The following FMN1 variants were observed in gnomAD, a reference collection of about 807,000 sequenced individuals.
The protein encoded by FMN1 is formin-1.
In FMN1, 110 loss-of-function variants were observed where a neutral mutation model predicts 132.4. The ratio of observed to expected loss-of-function variants is 0.83; its 90% confidence interval spans 0.71 to 0.97. The LOEUF (loss-of-function observed/expected upper bound fraction) is 0.97, where lower values mean the gene tolerates loss of function less well. Among genes scored for constraint, FMN1 ranks in the 50% least tolerant of loss-of-function variants. The pLI, the probability that FMN1 is intolerant of heterozygous loss-of-function variation, is 0.00. For missense variants in FMN1, 1,792 were observed against 1,705.3 expected (o/e 1.05, Z -0.90); for synonymous variants, 722 against 651.7 (o/e 1.11, Z -1.64).
At chr15:32,824,959 C>T (rs145427593) in intron 17 of FMN1, among the ~76,000 whole-genome samples, 107 of 152,298 alleles carry the variant, frequency 7.0e-4, no homozygotes, top group Middle Eastern at 3.4e-3. Flanking sequence ...TGTTCCTTTC[C>T]TTGTCTGAGT....
intron 6 of FMN1, among the ~76,000 whole-genome samples, chr15:33,037,686 T>C (rs546877015): frequency 6.6e-6 from 1 of 152,346 alleles, no homozygotes; most frequent in African/African-American, 2.4e-5. Flanking sequence ...ACTCAATAAA[T>C]GTCAGCTGTA....
chr15:32,921,692 T>TC (rs1555496495), intron 10 of FMN1, among the ~76,000 whole-genome samples: 2 of 149,810 alleles, frequency 1.3e-5, no homozygotes, highest in Non-Finnish European at 1.5e-5. Context: ...TTTTTTTTTT[T>TC]CGAGATAAGA....
At position 33,119,119 on chromosome 15, in the gene FMN1, G is replaced by A. The variant is rs567390110; in HGVS notation, c.1868-30145C>T. Among the ~76,000 whole-genome samples, 12 of 152,254 alleles carry A rather than the reference G, an allele frequency of 7.9e-5. No individual in the cohort carries two copies. The South Asian group carries it at 2.1e-3, about 26-fold the overall frequency. On this transcript the variant is annotated intron_variant, in intron 4 of 20. Coordinates refer to ENST00000616417, the MANE Select transcript of FMN1 (RefSeq NM_001277313.2). Reference sequence around the variant, plus strand: ...TTCATAGTTCAGCCCATAAAAACTAGAAAGCTAAAAACACTAAGTAGAGAG... The same window carrying A: ...TTCATAGTTCAGCCCATAAAAACTAAAAAGCTAAAAACACTAAGTAGAGAG...
chr15:33,011,527 TTTC>T (rs147873726), intron 6 of FMN1, among the ~76,000 whole-genome samples: 11,096 of 152,108 alleles, frequency 0.073, 438 homozygotes, highest in South Asian at 0.095. Flanking sequence ...AGAAAAAAGA[TTTC>T]TTAATATTCA....
At chr15:33,013,262 A>G (rs1263861091) in intron 6 of FMN1, among the ~76,000 whole-genome samples, 1 of 152,240 alleles carries the variant, frequency 6.6e-6, no homozygotes, top group African/African-American at 2.4e-5. Flanking sequence ...GTGATTAGTT[A>G]TATAACAGGT....
rs144991190 is a variant in FMN1 at position 33,076,225 on chromosome 15, G to A, written c.2044-11151C>T. 1.6e-4 allele frequency among the ~76,000 whole-genome samples: 25 copies of A among 152,212 alleles called. No homozygotes were observed. The East Asian group carries it at 4.3e-3, about 26-fold the overall frequency. On this transcript the variant is annotated intron_variant, in intron 5 of 20. Transcript: ENST00000616417. ...AAGGCATAATATTGCTGTTCCATATGGCTAATGACAGCAGAAGGCATGGAG... is the reference window on the plus strand; with the variant it reads ...AAGGCATAATATTGCTGTTCCATATAGCTAATGACAGCAGAAGGCATGGAG...
chr15:32,994,968 A>C (rs1275955052), intron 7 of FMN1, among the ~76,000 whole-genome samples: 2 of 152,120 alleles, frequency 1.3e-5, no homozygotes, highest in Non-Finnish European at 1.5e-5. Flanking sequence ...ATAAAACTGG[A>C]ATGTGTTTCA....
At chr15:33,107,900 A>G (rs940475739) in intron 4 of FMN1, among the ~76,000 whole-genome samples, 3 of 152,104 alleles carry the variant, frequency 2.0e-5, no homozygotes, top group Non-Finnish European at 2.9e-5. Flanking sequence ...TTTATTTTTC[A>G]TGCTGGCCCC....
chr15:33,052,292 A>T (rs1166420413), intron 6 of FMN1, among the ~76,000 whole-genome samples: 1 of 152,230 alleles, frequency 6.6e-6, no homozygotes, highest in Non-Finnish European at 1.5e-5. Flanking sequence ...TATCATCAGC[A>T]TGTAGCCACT....
intron 17 of FMN1, among the ~76,000 whole-genome samples, chr15:32,844,707 G>A (rs1279272481): frequency 2.0e-5 from 3 of 152,150 alleles, no homozygotes; most frequent in African/African-American, 4.8e-5. Context: ...AATTATGGCC[G>A]TCCTCTGTAG....
Position 32,939,540 on chromosome 15 carries a change from G to A in FMN1, c.3139-13279C>T, listed in dbSNP as rs568090350. On this transcript the variant is annotated intron_variant, in intron 9 of 20. Transcript: ENST00000616417. ...TTGTTAAGTTTCAAATAACCAGAAC[G>A]TAATTTATGTTGAACCATCTATTAA... 1.1e-4 allele frequency among the ~76,000 whole-genome samples: 16 copies of A among 152,186 alleles called. No homozygotes were observed. The East Asian group carries it at 3.1e-3, about 29-fold the overall frequency.
chr15:33,053,956 T>C lies in FMN1; in HGVS notation c.2161+11001A>G, dbSNP rs184973712. Among the ~76,000 whole-genome samples, 4 of 152,282 alleles carry C rather than the reference T, an allele frequency of 2.6e-5. No homozygotes were observed. In the East Asian group the frequency reaches 5.8e-4, roughly 22 times the overall value. ...TGTAGATTTCACTACGTAGGCATGA[T>C]TGAGTAAGTAAATCACTGGACACTG... On this transcript the variant is annotated intron_variant, in intron 6 of 20. Transcript: ENST00000616417.
intron 9 of FMN1, among the ~76,000 whole-genome samples, chr15:32,931,576 A>G (rs1353072500): frequency 6.6e-6 from 1 of 152,192 alleles, no homozygotes; most frequent in Non-Finnish European, 1.5e-5. Flanking sequence ...AATGTTTTTC[A>G]TAGTTCTTCA....
intron 4 of FMN1, among the ~76,000 whole-genome samples, chr15:33,146,715 C>T (rs1205184965): frequency 6.6e-6 from 1 of 152,096 alleles, no homozygotes; most frequent in Non-Finnish European, 1.5e-5. Flanking sequence ...GGTCTGATTC[C>T]AATTTCAAAA....
intron 10 of FMN1, among the ~76,000 whole-genome samples, chr15:32,917,087 CAAT>C (rs944974800): frequency 5.9e-5 from 9 of 152,120 alleles, no homozygotes; most frequent in Middle Eastern, 6.8e-3. Flanking sequence ...TCCCTCCCAA[CAAT>C]GAGGTCATCC....
In FMN1 at chr15:32,778,203, TA is replaced by T. The variant is rs569443408; in HGVS notation, c.4131-1285del. Among the ~76,000 whole-genome samples, 1,006 of 135,376 alleles carry T rather than the reference TA, an allele frequency of 7.4e-3. 100 individuals carry two copies. The East Asian group carries it at 0.1, about 14-fold the overall frequency. The allele number at this position is 135,376 out of a possible 152,430, so 88.8% of individuals were successfully genotyped here. On this transcript the variant is annotated intron_variant, in intron 19 of 20. Coordinates refer to ENST00000616417, the MANE Select transcript of FMN1 (RefSeq NM_001277313.2). ...TTATTTATATATTATATAATACATT[TA>T]TTTATATATTATATAATACATTTAT... is the stretch of plus-strand genomic sequence containing the variant.
At chr15:33,019,760 C>A (rs1265133788) in intron 6 of FMN1, among the ~76,000 whole-genome samples, 1 of 152,228 alleles carries the variant, frequency 6.6e-6, no homozygotes, top group African/African-American at 2.4e-5. Flanking sequence ...GGCCGGCAGG[C>A]CACTCGGAGT....
intron 4 of FMN1, among the ~76,000 whole-genome samples, chr15:33,096,408 G>A (rs1274351448): frequency 6.6e-6 from 1 of 152,120 alleles, no homozygotes; most frequent in Non-Finnish European, 1.5e-5. Context: ...GAATTAAAGT[G>A]ATGAACTCTT....
intron 17 of FMN1, among the ~76,000 whole-genome samples, chr15:32,856,462 T>C (rs2059133145): frequency 6.6e-6 from 1 of 152,214 alleles, no homozygotes; most frequent in Non-Finnish European, 1.5e-5. Context: ...GTGTGGAGTC[T>C]CATGCATACC....
Sources: gnomAD v4.1 joint callset for allele counts (sites outside exome capture counted in the v4.1 genomes callset) on GRCh38, gnomAD v4.1.1 for gene constraint, MANE v1.5 for transcripts, NCBI Gene and HGNC (gene_info 2026-07-23, HGNC 2026-07-21) for gene names.